The following HMCN2 variants were observed in gnomAD, a reference collection of about 807,000 sequenced individuals.
HMCN2 encodes the protein hemicentin 2.
Under a neutral mutation model 377.5 loss-of-function variants are expected in HMCN2, and 325 were observed. The ratio of observed to expected loss-of-function variants is 0.86; its 90% CI spans 0.79 to 0.94. HMCN2 has a LOEUF of 0.94. Among genes scored for constraint, HMCN2 ranks in the 40% least tolerant of loss-of-function variants. HMCN2 has a pLI of 0.00. For missense variants in HMCN2, 4,543 were observed against 4,725.3 expected (o/e 0.96, Z 1.13); for synonymous variants, 2,007 against 2,046.8 (o/e 0.98, Z 0.53).
chr9:130,393,110 G>A lies in HMCN2; in HGVS notation c.10137-102G>A. On this transcript the variant is annotated intron_variant, in intron 66 of 97. Coordinates refer to ENST00000683500, the MANE Select transcript of HMCN2 (RefSeq NM_001291815.2). The surrounding 1 kb of genome is among the most constrained non-coding windows in gnomAD (Gnocchi z 5.2). ...AGACAAAGGTTGGAAAAGGGAGGAAGTCTTTCCACGCAGCCAGCCTCTCCT... is the reference window on the plus strand; with the variant it reads ...AGACAAAGGTTGGAAAAGGGAGGAAATCTTTCCACGCAGCCAGCCTCTCCT... 1 of 749,052 alleles carries A rather than the reference G, an allele frequency of 1.3e-6. No individual in the cohort carries two copies. The highest frequency in any genetic ancestry group is 6.0e-5 in the South Asian group (1 of 16,584). The allele number at this position is 749,052 out of a possible 1,614,324, so 46.4% of individuals were successfully genotyped here.
Position 130,277,883 on chromosome 9 carries a change from TCATCATCACCACCAC to T in HMCN2, c.260-6711_260-6697del, listed in dbSNP as rs1834829090. 2.1e-3 allele frequency among the ~76,000 whole-genome samples: 30 copies of T among 13,966 alleles called. 9 individuals carry two copies. The highest frequency in any genetic ancestry group is 3.1e-3 in the Non-Finnish European group (25 of 7,974). 9.2% of individuals were successfully genotyped at this position (13,966 alleles called of 152,430 possible). ...ACCATCATCATCATCACCACCACCA[TCATCATCACCACCAC>T]CATCATCATCACCACCACCACCATC... is the stretch of plus-strand genomic sequence containing the variant. On this transcript the variant is annotated intron_variant, in intron 1 of 97. Transcript: ENST00000683500.
At chr9:130,358,021 G>T in intron 35 of HMCN2, 33 bp downstream of exon 35, 1 of 1,292,210 alleles carries the variant, frequency 7.7e-7, no homozygotes, top group Non-Finnish European at 1.0e-6. Context: ...TGGCAAGCCA[G>T]CTGGGCACAG....
Position 130,398,667 on chromosome 9 carries a change from G to A in HMCN2, c.11443G>A (p.Gly3815Arg), listed in dbSNP as rs983360056. Residue 3815 changes from glycine (G) to arginine (R), a missense_variant, in exon 75 of 98, where the codon GGA becomes AGA. This residue lies in a region of HMCN2 where 1,073 missense variants were observed against 1,319.5 expected (regional missense o/e 0.81). Coordinates refer to ENST00000683500, the MANE Select transcript of HMCN2 (RefSeq NM_001291815.2). The stretch of plus-strand genomic sequence containing the variant: ...GCCCCTGGTGGTCTGGTGGAAGGAC[G>A]GACAGAAGCTGGACTTCCGCCTGCA... Reference protein sequence around the residue: ...PKPLVVWWKDGQKLDFRLQQG... With the variant: ...PKPLVVWWKDRQKLDFRLQQG... 15 of 1,289,516 alleles carry A rather than the reference G, an allele frequency of 1.2e-5. No individual in the cohort carries two copies. Among genetic ancestry groups the A allele is most frequent in the East Asian group, 5.5e-5 (1 of 18,028 alleles). 79.9% of individuals were successfully genotyped at this position (1,289,516 alleles called of 1,614,324 possible). A position where few individuals can be genotyped will look rare whatever the true frequency, so the allele number is the denominator to read the frequency against.
Position 130,385,567 on chromosome 9 carries a change from G to A in HMCN2, c.9114G>A (p.Pro3038=), listed in dbSNP as rs1038280730. The A allele has an allele frequency of 1.6e-5, 21 of 1,303,720 alleles. No individual in the cohort carries two copies. Among genetic ancestry groups the A allele is most frequent in the Middle Eastern group, 2.1e-4 (1 of 4,716 alleles). 80.8% of individuals were successfully genotyped at this position (1,303,720 alleles called of 1,614,324 possible). The change falls in exon 60 of 98, where the codon CCG becomes CCA. Residue 3038 remains proline, a synonymous_variant. Transcript: ENST00000683500. ...GCTATCTCCTGCCCCCAGTTCCCCCGGCCTTCAGGCAGGCTCCCAGAGGTC... is the reference window on the plus strand; with the variant it reads ...GCTATCTCCTGCCCCCAGTTCCCCCAGCCTTCAGGCAGGCTCCCAGAGGTC... ...KLVQLSVLVP[P]AFRQAPRGPQ...
At chr9:130,372,702 C>T (rs1216991927) in intron 47 of HMCN2, among the ~76,000 whole-genome samples, 1 of 152,232 alleles carries the variant, frequency 6.6e-6, no homozygotes, top group African/African-American at 2.4e-5. Context: ...TGCCACTGCA[C>T]TCCAGCCCAG....
chr9:130,343,248 C>T (rs1337101489), intron 25 of HMCN2, among the ~76,000 whole-genome samples: 1 of 152,168 alleles, frequency 6.6e-6, no homozygotes, highest in Non-Finnish European at 1.5e-5. Flanking sequence ...CTGGGAGCAC[C>T]GCCTCCCCTC....
chr9:130,286,375 T>G, intron 4 of HMCN2, 65 bp downstream of exon 4: 2 of 456,958 alleles, frequency 4.4e-6, no homozygotes, highest in South Asian at 3.1e-5. Context: ...ACACTGACCA[T>G]CCCTGTGGCT....
In HMCN2 at chr9:130,304,854, C is replaced by A. The variant is rs1554936045; in HGVS notation, c.1668C>A (p.Val556=). ...TGACGTGGGTCCGGGACTGGCGAGTCCTGCCGGCCTCGACGGGCCGAGTTG... is the reference window on the plus strand; with the variant it reads ...TGACGTGGGTCCGGGACTGGCGAGTACTGCCGGCCTCGACGGGCCGAGTTG... ...YNLTWVRDWR[V]LPASTGRVAQ... is the part of the protein sequence containing the mutation. Residue 556 remains valine, a synonymous_variant, in exon 11 of 98, where the codon GTC becomes GTA. Coordinates refer to ENST00000683500, the MANE Select transcript of HMCN2 (RefSeq NM_001291815.2). This position sits in a 1 kb window ranked among gnomAD's most constrained non-coding sequence, Gnocchi z 4.3. The A allele has an allele frequency of 2.1e-6, 1 of 471,158 alleles. No homozygotes were observed. The highest frequency in any genetic ancestry group is 4.4e-6 in the Non-Finnish European group (1 of 227,068). The allele number at this position is 471,158 out of a possible 1,614,324, so 29.2% of individuals were successfully genotyped here. A position where few individuals can be genotyped will look rare whatever the true frequency, so the allele number is the denominator to read the frequency against.
intron 60 of HMCN2, 33 bp downstream of exon 60, chr9:130,385,795 G>A (rs1163462938): frequency 3.1e-6 from 4 of 1,288,608 alleles, no homozygotes; most frequent in East Asian, 5.6e-5. Context: ...GCAGCCATGA[G>A]CGCTGCAGGA....
At chr9:130,370,534 G>C (rs1178822013) in intron 45 of HMCN2, among the ~76,000 whole-genome samples, 1 of 152,250 alleles carries the variant, frequency 6.6e-6, no homozygotes, top group Non-Finnish European at 1.5e-5. Flanking sequence ...CCTGGGTAGA[G>C]AGTGGCTTCC....
At position 130,404,924 on chromosome 9, in the gene HMCN2, C is replaced by G. The variant is rs150860658; in HGVS notation, c.12204C>G (p.His4068Gln). Residue 4068 changes from histidine (H) to glutamine (Q), a missense_variant, in exon 81 of 98, where the codon CAC becomes CAG. This residue lies in a region of HMCN2 where 1,073 missense variants were observed against 1,319.5 expected (regional missense o/e 0.81). Coordinates refer to ENST00000683500, the MANE Select transcript of HMCN2 (RefSeq NM_001291815.2). ...LPDLSTTEGS[H>Q]AFLPCKARGS... ...ACCTGTCCACCACCGAAGGCTCCCA[C>G]GCCTTCTTGCCTTGCAAGGCGAGGG... The G allele has an allele frequency of 4.7e-6, 6 of 1,288,098 alleles. No individual in the cohort carries two copies. Among genetic ancestry groups the G allele is most frequent in the Non-Finnish European group, 5.1e-6 (5 of 988,082 alleles). The allele number at this position is 1,288,098 out of a possible 1,614,324, so 79.8% of individuals were successfully genotyped here.
At chr9:130,313,602 C>CA (rs1445406559) in intron 15 of HMCN2, among the ~76,000 whole-genome samples, 10 of 144,552 alleles carry the variant, frequency 6.9e-5, no homozygotes, top group Non-Finnish European at 1.2e-4. Flanking sequence ...ATGTGGGCAC[C>CA]CCCCCCCATA....
At chr9:130,286,446 G>A (rs1242355635) in intron 4 of HMCN2, 136 bp downstream of exon 4, 7 of 390,828 alleles carry the variant, frequency 1.8e-5, no homozygotes, top group African/African-American at 6.2e-5. Flanking sequence ...TAGCTGAGCA[G>A]CACTGGGTGC....
Position 130,303,610 on chromosome 9 carries a change from T to C in HMCN2, c.1543+2T>C. ...CAAAGGCCCAGATTGTTGTCACAGG[T>C]CTGTCCCTTGGGGCCCCTCCATGTA... On this transcript the variant is annotated splice_donor_variant, in intron 10 of 97. Transcript: ENST00000683500. LOFTEE classifies it high-confidence loss of function. This position sits in a 1 kb window ranked among gnomAD's most constrained non-coding sequence, Gnocchi z 5.2. 1 of 299,300 alleles carries C rather than the reference T, an allele frequency of 3.3e-6. No homozygotes were observed. The highest frequency in any genetic ancestry group is 7.4e-6 in the Non-Finnish European group (1 of 135,354). The allele number at this position is 299,300 out of a possible 1,614,324, so 18.5% of individuals were successfully genotyped here.
Position 130,422,574 on chromosome 9 carries a change from C to T in HMCN2, c.13232-3C>T, listed in dbSNP as rs1194767150. On this transcript the variant is annotated splice_polypyrimidine_tract_variant and splice_region_variant and intron_variant, in intron 86 of 97. Coordinates refer to ENST00000683500, the MANE Select transcript of HMCN2 (RefSeq NM_001291815.2). The surrounding 1 kb of genome is among the most constrained non-coding windows in gnomAD (Gnocchi z 4.2). Reference sequence around the variant, plus strand: ...GCACTGTCATTCTTTCCCTTCCTTACAGGGGAGCCCCAGGGGAGCTGGGGC... The same window carrying T: ...GCACTGTCATTCTTTCCCTTCCTTATAGGGGAGCCCCAGGGGAGCTGGGGC... 9 of 1,314,504 alleles carry T rather than the reference C, an allele frequency of 6.8e-6. No individual in the cohort carries two copies. The highest frequency in any genetic ancestry group is 8.2e-5 in the Admixed American group (2 of 24,400). 81.4% of individuals were successfully genotyped at this position (1,314,504 alleles called of 1,614,324 possible). A position where few individuals can be genotyped will look rare whatever the true frequency, so the allele number is the denominator to read the frequency against.
rs1277569005 is a variant in HMCN2 at position 130,425,134 on chromosome 9, G to T, written c.13641+4G>T. The T allele has an allele frequency of 1.3e-6, 2 of 1,545,728 alleles. No homozygotes were observed. The highest frequency in any genetic ancestry group is 1.7e-6 in the Non-Finnish European group (2 of 1,144,794). ...TGACGCAGATCTTCAAGTGCAGGTC[G>T]GGGGTCAAGCCCTGGGGTGTGCAGA... On this transcript the variant is annotated splice_donor_region_variant and intron_variant, in intron 89 of 97. Transcript: ENST00000683500.
chr9:130,364,849 G>A lies in HMCN2; in HGVS notation c.6368G>A (p.Arg2123Gln), dbSNP rs950646657. ...AAGGACGGGCGGCCCCTGGAACCAC[G>A]GCCTGGAGTCCACCTCTCCGCAGAC... ...WWKDGRPLEP[R>Q]PGVHLSADKA... The change falls in exon 41 of 98, where the codon CGG (arginine) becomes CAG (glutamine). Residue 2123 changes from arginine to glutamine, a missense_variant. By Grantham distance (43) the Arg-to-Gln change is conservative. Transcript: ENST00000683500. 46 of 985,868 alleles carry A rather than the reference G, an allele frequency of 4.7e-5. No individual in the cohort carries two copies. The highest frequency in any genetic ancestry group is 1.1e-4 in the East Asian group (1 of 8,828). The allele number at this position is 985,868 out of a possible 1,614,324, so 61.1% of individuals were successfully genotyped here.
rs1837370624 is a variant in HMCN2 at position 130,313,414 on chromosome 9, AGGAGTC to A, written c.2350+3354_2350+3359del. Among the ~76,000 whole-genome samples, 742 of 147,508 alleles carry A rather than the reference AGGAGTC, an allele frequency of 5.0e-3. 2 individuals carry two copies. The highest frequency in any genetic ancestry group is 7.3e-3 in the Non-Finnish European group (475 of 65,234). ...CTTCCGAGCCTGGCATCTGCCAGTC[AGGAGTC>A]CTAGGCTCCATGCCCAGGTCCGCTG... On this transcript the variant is annotated intron_variant, in intron 15 of 97. Transcript: ENST00000683500.
At position 130,348,667 on chromosome 9, in the gene HMCN2, G is replaced by A. The variant is rs778006075; in HGVS notation, c.4147G>A (p.Ala1383Thr). 15 of 1,303,396 alleles carry A rather than the reference G, an allele frequency of 1.2e-5. No homozygotes were observed. The highest frequency in any genetic ancestry group is 4.6e-5 in the Admixed American group (2 of 43,556). 80.7% of individuals were successfully genotyped at this position (1,303,396 alleles called of 1,614,324 possible). ...CCCTGAGATCGTGTGGCTGAAGGACGCGCAGCTGGTGGGTGTCCCCCTAGG... is the reference window on the plus strand; with the variant it reads ...CCCTGAGATCGTGTGGCTGAAGGACACGCAGCTGGTGGGTGTCCCCCTAGG... Reference protein sequence around the residue: ...PVPEIVWLKDAQLIPKVGGHR... With the variant: ...PVPEIVWLKDTQLIPKVGGHR... Residue 1383 changes from alanine (A) to threonine (T), a missense_variant, in exon 27 of 98, where the codon GCG becomes ACG. Coordinates refer to ENST00000683500, the MANE Select transcript of HMCN2 (RefSeq NM_001291815.2).
Sources: allele counts gnomAD v4.1 joint callset (sites outside exome capture counted in the v4.1 genomes callset), GRCh38; gene constraint gnomAD v4.1.1; regional missense constraint gnomAD v4.1.1; non-coding constraint Gnocchi (gnomAD v3.1); transcripts MANE v1.5; gene names NCBI Gene and HGNC (gene_info 2026-07-23, HGNC 2026-07-21).